Variants in PTK7 observed in about 807,000 individuals in gnomAD.
PTK7 encodes the protein protein tyrosine kinase 7 (inactive).
A neutral mutation model predicts 116.6 loss-of-function variants in PTK7; 39 were observed. The ratio of observed to expected loss-of-function variants is 0.33; its 90% confidence interval spans 0.26 to 0.44. PTK7 has a LOEUF of 0.44. Ranked by LOEUF, PTK7 falls within the 20% of genes least tolerant of loss-of-function variation. The probability of loss-of-function intolerance (pLI) is 1.00; values close to 1 mark genes in which losing one functional copy is unlikely to be tolerated. For missense variants in PTK7, 1,169 were observed against 1,425.6 expected, an observed-to-expected ratio of 0.82 and a Z score of 2.90; for synonymous variants, 546 against 563.6, an observed-to-expected ratio of 0.97 and a Z score of 0.44.
intron 18 of PTK7, 138 bp downstream of exon 18, chr6:43,159,106 G>T: frequency 8.8e-7 from 1 of 1,135,668 alleles, no homozygotes; most frequent in Non-Finnish European, 1.2e-6. Context: ...ATAGGGAAGA[G>T]CTTTCTCATC....
At chr6:43,117,029 GC>G (rs1220220838) in intron 1 of PTK7, among the ~76,000 whole-genome samples, 2 of 151,966 alleles carry the variant, frequency 1.3e-5, no homozygotes, top group Non-Finnish European at 2.9e-5. Flanking sequence ...TCACCATGTT[GC>G]CCAGGCTGGT....
At chr6:43,109,723 G>A (rs193157235) in intron 1 of PTK7, among the ~76,000 whole-genome samples, 182 of 147,564 alleles carry the variant, frequency 1.2e-3, no homozygotes, top group African/African-American at 4.3e-3. Context: ...TTTTGAGACA[G>A]AGTCTTGCTC....
intron 17 of PTK7, among the ~76,000 whole-genome samples, chr6:43,151,434 A>C (rs1229463476): frequency 1.3e-5 from 2 of 150,932 alleles, no homozygotes; most frequent in African/African-American, 4.9e-5. Flanking sequence ...AGATGGTCTC[A>C]ATCTCCTGTC....
rs1769726489 is a variant in PTK7, at chr6:43,132,171, C to G, written c.961+7C>G. The G allele has an allele frequency of 1.9e-6, 3 of 1,605,726 alleles. No individual in the cohort carries two copies. Among genetic ancestry groups the G allele is most frequent in the Non-Finnish European group, 2.6e-6 (3 of 1,173,898 alleles). On this transcript the variant is annotated splice_region_variant and intron_variant, in intron 6 of 19. Coordinates refer to ENST00000230419, the MANE Select transcript of PTK7 (RefSeq NM_002821.5). ...GCCACACTTCACCTAGCAGGTGAGT[C>G]TCTGGGTCTGGGGTGCTGATGTGGG...
intron 7 of PTK7, among the ~76,000 whole-genome samples, chr6:43,134,511 G>T (rs975051107): frequency 2.0e-5 from 3 of 152,096 alleles, no homozygotes; most frequent in African/African-American, 7.2e-5. Flanking sequence ...GCTGGGCGCG[G>T]TGGCTCACGC....
chr6:43,100,335 A>C (rs1471544694), intron 1 of PTK7, among the ~76,000 whole-genome samples: 1 of 151,718 alleles, frequency 6.6e-6, no homozygotes, highest in African/African-American at 2.4e-5. Context: ...GTGAGCTGAG[A>C]TCACACCACT....
chr6:43,100,665 G>A (rs182554698), intron 1 of PTK7, among the ~76,000 whole-genome samples: 12 of 152,068 alleles, frequency 7.9e-5, no homozygotes, highest in Admixed American at 7.9e-4. Flanking sequence ...CCAAAATACT[G>A]CAGATTGTGA....
intron 1 of PTK7, among the ~76,000 whole-genome samples, chr6:43,081,409 G>C (rs1245384363): frequency 6.6e-6 from 1 of 151,902 alleles, no homozygotes; most frequent in Non-Finnish European, 1.5e-5. Flanking sequence ...TTGTTTGTTT[G>C]TTTTTGTTTT....
At chr6:43,117,584 A>T (rs1207477154) in intron 1 of PTK7, among the ~76,000 whole-genome samples, 1 of 152,152 alleles carries the variant, frequency 6.6e-6, no homozygotes, top group East Asian at 1.9e-4. Flanking sequence ...CCTTGTCTAT[A>T]AAATGAGGCT....
At chr6:43,140,860 G>T (rs1438722900) in intron 10 of PTK7, among the ~76,000 whole-genome samples, 2 of 151,748 alleles carry the variant, frequency 1.3e-5, no homozygotes, top group African/African-American at 4.8e-5. Context: ...TTTTGTAACG[G>T]TGTAATTTTA....
chr6:43,155,888 C>T (rs979154478), intron 17 of PTK7, among the ~76,000 whole-genome samples: 8 of 152,048 alleles, frequency 5.3e-5, no homozygotes, highest in East Asian at 1.9e-4. Context: ...TTCATAATAA[C>T]GCTGTTCTTA....
At chr6:43,147,443 T>C (rs530373167) in intron 17 of PTK7, among the ~76,000 whole-genome samples, 2 of 152,284 alleles carry the variant, frequency 1.3e-5, no homozygotes, top group African/African-American at 4.8e-5. Flanking sequence ...CTGCCTCCTC[T>C]CCCCTCTGAA....
At position 43,144,467 on chromosome 6, in the gene PTK7, C is replaced by T. The variant is rs764023682; in HGVS notation, c.2268C>T (p.Asn756=). The T allele has an allele frequency of 3.3e-5, 54 of 1,613,984 alleles. No homozygotes were observed. The highest frequency in any genetic ancestry group is 5.0e-5 in the Admixed American group (3 of 59,994). The change falls in exon 15 of 20, where the codon AAC becomes AAT. Residue 756 remains asparagine, a synonymous_variant. Transcript: ENST00000230419. ...CCTTCCCAGGTGGGCCTTTGCAGAA[C>T]GGGCAGCCCTCAGCAGAGATCCAAG... is the stretch of plus-strand genomic sequence containing the variant. ...MECLNGGPLQ[N]GQPSAEIQEE...
At chr6:43,118,620 CCTCTCTCTCTCTCTCTCTCTCT>C in intron 1 of PTK7, among the ~76,000 whole-genome samples, 1 of 63,366 alleles carries the variant, frequency 1.6e-5, no homozygotes, top group South Asian at 6.4e-4. Context: ...AATATTTTAA[CCTCTCTCTCTCTCTCTCTCTCT>C]CTCTCTCTCT....
At chr6:43,082,360 T>C (rs1225280852) in intron 1 of PTK7, among the ~76,000 whole-genome samples, 1 of 152,080 alleles carries the variant, frequency 6.6e-6, no homozygotes, top group Non-Finnish European at 1.5e-5. Context: ...GTATTTTTAG[T>C]AGAGACAGGG....
chr6:43,123,627 G>A (rs1012609728), intron 1 of PTK7, among the ~76,000 whole-genome samples: 3 of 152,140 alleles, frequency 2.0e-5, no homozygotes, highest in African/African-American at 4.8e-5. Context: ...GGGCAGGCAC[G>A]GGAGACGCAG....
In PTK7 at chr6:43,141,790, C is replaced by G; in HGVS notation, c.1741C>G (p.Arg581Gly). The change falls in exon 11 of 20, where the codon CGT becomes GGT. Residue 581 changes from arginine (R) to glycine (G), a missense_variant. By Grantham distance (125) the Arg-to-Gly change is moderately radical. This residue lies in a region of PTK7 where 678 missense variants were observed against 853.8 expected (regional missense o/e 0.79). Transcript: ENST00000230419. This position sits in a 1 kb window ranked among gnomAD's most constrained non-coding sequence, Gnocchi z 4.9. Reference protein sequence around the residue: ...IASNGPQGQIRAHVQLTVAVF... With the variant: ...IASNGPQGQIGAHVQLTVAVF... ...CTCCAACGGGCCGCAGGGCCAGATT[C>G]GTGCCCATGTCCAGCTCACTGTGGC... 1 of 1,614,048 alleles carries G rather than the reference C, an allele frequency of 6.2e-7. No homozygotes were observed. The highest frequency in any genetic ancestry group is 8.5e-7 in the Non-Finnish European group (1 of 1,180,020).
chr6:43,118,671 ATATATATATATATATATG>A (rs376212546), intron 1 of PTK7, among the ~76,000 whole-genome samples: 3,802 of 112,806 alleles, frequency 0.034, 115 homozygotes, highest in East Asian at 0.14. Context: ...ATATATATAT[ATATATATATATATATATG>A]TATATATGTA....
intron 1 of PTK7, among the ~76,000 whole-genome samples, chr6:43,097,820 C>T (rs1364554851): frequency 1.3e-5 from 2 of 152,162 alleles, no homozygotes; most frequent in South Asian, 2.1e-4. Flanking sequence ...CACCAGTTAG[C>T]GCTGAATTAG....
Sources: allele counts gnomAD v4.1 joint callset (sites outside exome capture counted in the v4.1 genomes callset), GRCh38; gene constraint gnomAD v4.1.1; regional missense constraint gnomAD v4.1.1; non-coding constraint Gnocchi (gnomAD v3.1); transcripts MANE v1.5; gene names NCBI Gene and HGNC (gene_info 2026-07-23, HGNC 2026-07-21).